TTN: variants seen among roughly 807,000 people sequenced by gnomAD.
TTN encodes the protein titin, also known as connectin.
A neutral mutation model predicts 3,223.0 loss-of-function variants in TTN; 1,525 were observed. That is an observed-to-expected ratio of 0.47 (90% CI 0.45 to 0.49). The LOEUF (loss-of-function observed/expected upper bound fraction) is 0.49, where lower values mean the gene tolerates loss of function less well. Among genes scored for constraint, TTN ranks in the 20% least tolerant of loss-of-function variants. TTN has a pLI of 0.00. For synonymous variants in TTN, 14,094 were observed against 15,161.0 expected, an observed-to-expected ratio of 0.93 and a Z score of 5.17; for missense variants, 40,786 against 43,424.0, an observed-to-expected ratio of 0.94 and a Z score of 5.40.
rs1360832418 is a variant in TTN, at chr2:178,610,210, A to G, written c.51316T>C (p.Trp17106Arg). Reference sequence around the variant, plus strand: ...TTTGGTATGAGATCCTTCACAGTCCATGACAGTTTGTTCTCACCAGACATG... The same window carrying G: ...TTTGGTATGAGATCCTTCACAGTCCGTGACAGTTTGTTCTCACCAGACATG... ...PVMSGENKLS[W>R]TVKDLIPNGE... Residue 17106 changes from tryptophan (W) to arginine (R), a missense_variant, in exon 271 of 363, where the codon TGG (tryptophan) becomes CGG (arginine). By Grantham distance (101) the Trp-to-Arg change is moderately radical (BLOSUM62 -3). Transcript: ENST00000589042. 3.1e-6 allele frequency: 5 copies of G among 1,613,018 alleles called. No homozygotes were observed. Among genetic ancestry groups the G allele is most frequent in the South Asian group, 2.2e-5 (2 of 91,048 alleles).
At chr2:178,702,776 C>A (rs1308788687) in intron 106 of TTN, 113 bp from the exon 107 acceptor site, 2 of 1,150,090 alleles carry the variant, frequency 1.7e-6, no homozygotes, top group East Asian at 5.2e-5. Context: ...TATAAAATAG[C>A]AAGAAAAGTT....
chr2:178,578,194 G>T lies in TTN; in HGVS notation c.68330-9C>A, dbSNP rs764788146. ...GAACTCGAGATGATACCCTACAAAA[G>T]ACCCAGGGATGTATCAAGTATAAAT... On this transcript the variant is annotated splice_polypyrimidine_tract_variant and intron_variant, in intron 321 of 362. Transcript: ENST00000589042. 7 of 1,606,800 alleles carry T rather than the reference G, an allele frequency of 4.4e-6. No homozygotes were observed. Among genetic ancestry groups the T allele is most frequent in the Admixed American group, 3.4e-5 (2 of 58,956 alleles).
Position 178,597,742 on chromosome 2 carries a change from C to T in TTN, c.57340G>A (p.Ala19114Thr), listed in dbSNP as rs2052103828. 2 of 1,613,224 alleles carry T rather than the reference C, an allele frequency of 1.2e-6. No individual in the cohort carries two copies. Among genetic ancestry groups the T allele is most frequent in the African/African-American group, 2.7e-5 (2 of 74,986 alleles). The change falls in exon 294 of 363, where the codon GCC becomes ACC. Residue 19114 changes from alanine to threonine, a missense_variant. Coordinates refer to ENST00000589042, the MANE Select transcript of TTN (RefSeq NM_001267550.2). Reference protein sequence around the residue: ...VHAGGVIRIIAYVSGKPPPTV... With the variant: ...VHAGGVIRIITYVSGKPPPTV... ...GGAGGAGGCTTTCCAGACACATAGG[C>T]AATGATTCGGATCACCCCTCCAGCA...
intron 306 of TTN, 38 bp from the exon 307 acceptor site, chr2:178,587,455 C>T (rs1319962965): frequency 5.0e-6 from 8 of 1,602,896 alleles, no homozygotes; most frequent in Non-Finnish European, 6.0e-6. Context: ...CATGTCTCCT[C>T]AGCATCCCTA....
In TTN at chr2:178,802,189, C is replaced by T. The variant is rs1575010544; in HGVS notation, c.244G>A (p.Ala82Thr). The T allele has an allele frequency of 3.1e-6, 5 of 1,614,176 alleles. No homozygotes were observed. In the East Asian group the frequency reaches 6.7e-5, roughly 22 times the overall value. Residue 82 changes from alanine (A) to threonine (T), a missense_variant, in exon 3 of 363, where the codon GCC becomes ACC. Transcript: ENST00000589042. ...KANSGRYSLKATNGSGQATST... is the reference protein window; with the variant it reads ...KANSGRYSLKTTNGSGQATST... ...GTCGCTTGTCCAGATCCATTGGTGG[C>T]TTTCAGGGAATATCGTCCACTGTTG...
chr2:178,680,889 T>A (rs2069214024), intron 138 of TTN, among the ~76,000 whole-genome samples, 190 bp downstream of exon 138: 1 of 152,100 alleles, frequency 6.6e-6, no homozygotes, highest in African/African-American at 2.4e-5. Context: ...AGGCTATGGA[T>A]GTATTTAGAA....
In TTN at chr2:178,583,103, A is replaced by G. The variant is rs772440358; in HGVS notation, c.65700T>C (p.Asp21900=). The part of the protein sequence containing the change: ...KPMPTVSWKK[D]GTLLKPAEGI... ...CTTCTGCTGGTTTTAGCAGTGTGCC[A>G]TCTTTTTTCCAAGAAACTGTTGGCA... Residue 21900 remains aspartate, a synonymous_variant, in exon 313 of 363, where the codon GAT becomes GAC. Transcript: ENST00000589042. 2.5e-5 allele frequency: 41 copies of G among 1,611,540 alleles called. No individual in the cohort carries two copies. Among genetic ancestry groups the G allele is most frequent in the South Asian group, 2.2e-4 (20 of 90,858 alleles).
rs540944005 is a variant in TTN, at chr2:178,615,222, A to G, written c.48638+85T>C. 185 of 1,500,470 alleles carry G rather than the reference A, an allele frequency of 1.2e-4. No individual in the cohort carries two copies. The African/African-American group carries it at 2.1e-3, about 17-fold the overall frequency. 92.9% of individuals were successfully genotyped at this position (1,500,470 alleles called of 1,614,324 possible). ...GCAGCATAGGATTCTCAATGAAAAA[A>G]GACAAACATTTAAATTTTCCCCAAC... On this transcript the variant is annotated intron_variant, in intron 259 of 362. Transcript: ENST00000589042.
chr2:178,671,089 C>T lies in TTN; in HGVS notation c.35308+1G>A, dbSNP rs1423135750. The T allele has an allele frequency of 1.9e-6, 3 of 1,601,172 alleles. No homozygotes were observed. Among genetic ancestry groups the T allele is most frequent in the Non-Finnish European group, 2.6e-6 (3 of 1,174,794 alleles). On this transcript the variant is annotated splice_donor_variant, in intron 156 of 362. Coordinates refer to ENST00000589042, the MANE Select transcript of TTN (RefSeq NM_001267550.2). LOFTEE classifies it high-confidence loss of function. ...GTAGTAATTTTTCACAAAGAAGATA[C>T]CTTTAGCTGGTGGCTCTTTTCGAGG...
chr2:178,757,115 T>C (rs915208743), intron 45 of TTN, among the ~76,000 whole-genome samples: 5 of 5,882 alleles, frequency 8.5e-4, no homozygotes, highest in African/African-American at 2.5e-3. Context: ...GCTGACTGTA[T>C]TTGGGTTAGC....
intron 147 of TTN, 33 bp from the exon 148 acceptor site, chr2:178,676,028 T>C (rs1359171607): frequency 1.3e-6 from 2 of 1,560,780 alleles, no homozygotes; most frequent in African/African-American, 2.7e-5. Context: ...TAAGGATTTA[T>C]TTTGAAGGAC....
At position 178,704,646 on chromosome 2, in the gene TTN, T is replaced by A; in HGVS notation, c.29826A>T (p.Glu9942Asp). Residue 9942 changes from glutamate to aspartate, a missense_variant, in exon 105 of 363, where the codon GAA (glutamate) becomes GAT (aspartate). By Grantham distance (45) the Glu-to-Asp change is conservative. Transcript: ENST00000589042. ...LSWYKGTEKLEPSDKFEISID... is the reference protein window; with the variant it reads ...LSWYKGTEKLDPSDKFEISID... ...TGCTTATTTCAAATTTATCACTGGG[T>A]TCCAGTTTTTCAGTTCCTTTGTACC... The A allele has an allele frequency of 6.2e-7, 1 of 1,612,396 alleles. No homozygotes were observed. Among genetic ancestry groups the A allele is most frequent in the South Asian group, 1.1e-5 (1 of 90,890 alleles).
At chr2:178,780,518 G>A (rs1033835805) in intron 21 of TTN, among the ~76,000 whole-genome samples, 1 of 152,192 alleles carries the variant, frequency 6.6e-6, no homozygotes, top group African/African-American at 2.4e-5. Flanking sequence ...TGAATATTGA[G>A]TGCTTTATCT....
At chr2:178,527,928 T>G in intron 361 of TTN, 180 bp from the exon 362 acceptor site, 1 of 580,010 alleles carries the variant, frequency 1.7e-6, no homozygotes, top group Non-Finnish European at 2.9e-6. Context: ...TAGCTCAATG[T>G]CTCCAAAACA....
At position 178,633,554 on chromosome 2, in the gene TTN, T is replaced by C. The variant is rs941635511; in HGVS notation, c.42805A>G (p.Ile14269Val). The C allele has an allele frequency of 4.3e-6, 7 of 1,613,418 alleles. No individual in the cohort carries two copies. In the South Asian group the frequency reaches 7.7e-5, roughly 18 times the overall value. Residue 14269 changes from isoleucine (I) to valine (V), a missense_variant, in exon 232 of 363, where the codon ATT becomes GTT. Ile to Val is a conservative substitution (Grantham distance 29). Transcript: ENST00000589042. ...ATAGAATATTTGGGTGAAGGGACAATCTCTTCACCATCTTTGAACCATTTC... is the reference window on the plus strand; with the variant it reads ...ATAGAATATTTGGGTGAAGGGACAACCTCTTCACCATCTTTGAACCATTTC... ...PVKWFKDGEE[I>V]VPSPKYSIKA...
chr2:178,568,869 G>A lies in TTN; in HGVS notation c.77263C>T (p.Gln25755Ter), dbSNP rs2154167332. The A allele has an allele frequency of 6.2e-7, 1 of 1,613,044 alleles. No homozygotes were observed. The highest frequency in any genetic ancestry group is 8.5e-7 in the Non-Finnish European group (1 of 1,179,562). Reference protein sequence around the residue: ...WSECARVKSLQAVITNLTQGE... With the variant: ...WSECARVKSL ...TGAGTTAGGTTGGTAATTACTGCCT[G>A]AAGAGACTTTACTCGAGCACACTCT... Residue 25755 changes from glutamine to a stop codon, truncating the protein, a stop_gained, in exon 326 of 363, where the codon CAG (glutamine) becomes TAG (stop). Coordinates refer to ENST00000589042, the MANE Select transcript of TTN (RefSeq NM_001267550.2). LOFTEE classifies it high-confidence loss of function.
rs745920301 is a variant in TTN, at chr2:178,563,592, C to A, written c.82540G>T (p.Val27514Phe). The change falls in exon 326 of 363, where the codon GTT becomes TTT. Residue 27514 changes from valine to phenylalanine, a missense_variant. Transcript: ENST00000589042. The surrounding 1 kb of genome is among the most constrained non-coding windows in gnomAD (Gnocchi z 4.5). ...TTCTTGTTGCACTTGGTCCATCTAACGCCTTCCTTATCTCGTTTTTCAAGA... is the reference window on the plus strand; with the variant it reads ...TTCTTGTTGCACTTGGTCCATCTAAAGCCTTCCTTATCTCGTTTTTCAAGA... ...YILEKRDKEG[V>F]RWTKCNKKTL... 6.2e-7 allele frequency: 1 copy of A among 1,613,754 alleles called. No individual in the cohort carries two copies. Among genetic ancestry groups the A allele is most frequent in the South Asian group, 1.1e-5 (1 of 91,076 alleles).
At position 178,720,956 on chromosome 2, in the gene TTN, C is replaced by T; in HGVS notation, c.23063G>A (p.Gly7688Asp). 1 of 1,601,346 alleles carries T rather than the reference C, an allele frequency of 6.2e-7. No individual in the cohort carries two copies. The highest frequency in any genetic ancestry group is 8.5e-7 in the Non-Finnish European group (1 of 1,169,790). Reference protein sequence around the residue: ...DYICEAHNGVGDASCSTALTV... With the variant: ...DYICEAHNGVDDASCSTALTV... ...CAACGCTGTGCTGCAGCTGGCGTCA[C>T]CAACACCATTATGAGCCTCACAAAT... Residue 7688 changes from glycine (G) to aspartate (D), a missense_variant, in exon 79 of 363, where the codon GGT becomes GAT. Coordinates refer to ENST00000589042, the MANE Select transcript of TTN (RefSeq NM_001267550.2).
At chr2:178,642,756 A>T (rs925010553) in intron 218 of TTN, among the ~76,000 whole-genome samples, 1 of 151,966 alleles carries the variant, frequency 6.6e-6, no homozygotes, top group Non-Finnish European at 1.5e-5. Flanking sequence ...TGAGGGAAGA[A>T]GGTGGCCAAG....
Sources: allele counts gnomAD v4.1 joint callset (sites outside exome capture counted in the v4.1 genomes callset), GRCh38; gene constraint gnomAD v4.1.1; non-coding constraint Gnocchi (gnomAD v3.1); transcripts MANE v1.5; gene names NCBI Gene and HGNC (gene_info 2026-07-23, HGNC 2026-07-21).